Variants in RALYL observed in about 807,000 individuals in gnomAD.
The protein encoded by RALYL is RNA-binding Raly-like protein.
RALYL carries 29 observed loss-of-function variants against 35.1 expected under a neutral mutation model. The ratio of observed to expected loss-of-function variants is 0.83; its 90% CI spans 0.61 to 1.13. The LOEUF is 1.13. Among genes scored for constraint, RALYL ranks in the 50% most tolerant of loss-of-function variants. The pLI, the probability that RALYL is intolerant of heterozygous loss-of-function variation, is 0.00. For missense variants in RALYL, 359 were observed against 360.4 expected, an observed-to-expected ratio of 1.00 and a Z score of 0.03; for synonymous variants, 120 against 127.6, an observed-to-expected ratio of 0.94 and a Z score of 0.40.
chr8:84,864,195 G>C (rs187018640), intron 6 of RALYL, among the ~76,000 whole-genome samples: 41 of 127,386 alleles, frequency 3.2e-4, no homozygotes, highest in African/African-American at 1.0e-3. Context: ...TTCTTTGTGT[G>C]TGTGTTTGTG....
At chr8:84,391,632 G>A (rs1860720511) in intron 1 of RALYL, among the ~76,000 whole-genome samples, 1 of 151,988 alleles carries the variant, frequency 6.6e-6, no homozygotes, top group Admixed American at 6.6e-5. Flanking sequence ...TTTAGATACA[G>A]CATAAAATTG....
intron 1 of RALYL, among the ~76,000 whole-genome samples, chr8:84,228,038 A>G (rs1563568945): frequency 6.6e-6 from 1 of 152,060 alleles, no homozygotes. Flanking sequence ...GTGCTTCAAT[A>G]ACAATATAGA....
chr8:84,857,690 A>ATT, intron 5 of RALYL, among the ~76,000 whole-genome samples: 1 of 152,156 alleles, frequency 6.6e-6, no homozygotes, highest in African/African-American at 2.4e-5. Flanking sequence ...CAGGCCTGAG[A>ATT]AATGTTTGTT....
intron 2 of RALYL, among the ~76,000 whole-genome samples, chr8:84,661,086 G>C (rs1830815484): frequency 6.6e-6 from 1 of 151,806 alleles, no homozygotes; most frequent in South Asian, 2.1e-4. Context: ...CCCCCACCAT[G>C]CCCGGCTAAT....
At chr8:84,464,661 T>C (rs1380438481) in intron 1 of RALYL, among the ~76,000 whole-genome samples, 1 of 152,014 alleles carries the variant, frequency 6.6e-6, no homozygotes, top group African/African-American at 2.4e-5. Context: ...TACCCAGTAA[T>C]GGGATGGCTG....
chr8:84,772,703 T>C (rs1378840314), intron 2 of RALYL, among the ~76,000 whole-genome samples: 3 of 152,116 alleles, frequency 2.0e-5, no homozygotes, highest in Non-Finnish European at 4.4e-5. Context: ...TTAAACTCTC[T>C]TATTAATTGT....
At chr8:84,786,895 TA>T (rs1282442943) in intron 3 of RALYL, among the ~76,000 whole-genome samples, 1 of 152,154 alleles carries the variant, frequency 6.6e-6, no homozygotes, top group East Asian at 1.9e-4. Context: ...AGGAATTATA[TA>T]AACATCATGA....
At chr8:84,822,810 G>T (rs753575230) in intron 4 of RALYL, among the ~76,000 whole-genome samples, 8 of 151,984 alleles carry the variant, frequency 5.3e-5, no homozygotes, top group Non-Finnish European at 1.0e-4. Flanking sequence ...TACAAATCAG[G>T]GGTTAAAAAC....
chr8:84,867,237 G>C (rs1197465854), intron 6 of RALYL, among the ~76,000 whole-genome samples: 2 of 152,120 alleles, frequency 1.3e-5, no homozygotes, highest in African/African-American at 4.8e-5. Flanking sequence ...TGTTACAAGG[G>C]CATCACCTGT....
chr8:84,654,295 ATATATATATATATATAT>A (rs1829496722), intron 2 of RALYL, among the ~76,000 whole-genome samples: 1 of 115,772 alleles, frequency 8.6e-6, no homozygotes, highest in South Asian at 2.5e-4. Context: ...ATATATATAT[ATATATATATATATATAT>A]ATCATGTACC....
chr8:84,544,050 T>C (rs538495101), intron 2 of RALYL, among the ~76,000 whole-genome samples: 1 of 152,012 alleles, frequency 6.6e-6, no homozygotes, highest in Non-Finnish European at 1.5e-5. Context: ...GTTTAATAAT[T>C]TTTTATTTGA....
chr8:84,258,235 A>T (rs1272414064), intron 1 of RALYL, among the ~76,000 whole-genome samples: 1 of 152,154 alleles, frequency 6.6e-6, no homozygotes, highest in African/African-American at 2.4e-5. Flanking sequence ...ATGAGCACAG[A>T]TAACATGGGT....
chr8:84,668,395 G>A (rs1045064267), intron 2 of RALYL, among the ~76,000 whole-genome samples: 3 of 152,116 alleles, frequency 2.0e-5, no homozygotes, highest in Admixed American at 6.6e-5. Context: ...GTGTGTGTAC[G>A]TATGTAACAG....
intron 2 of RALYL, among the ~76,000 whole-genome samples, chr8:84,723,537 C>T (rs531027882): frequency 2.0e-5 from 3 of 152,010 alleles, no homozygotes; most frequent in Middle Eastern, 3.4e-3. Context: ...TCAGAGTTAT[C>T]GAAGCTAAAC....
At chr8:84,245,837 G>A (rs910090015) in intron 1 of RALYL, among the ~76,000 whole-genome samples, 1 of 152,064 alleles carries the variant, frequency 6.6e-6, no homozygotes, top group Non-Finnish European at 1.5e-5. Flanking sequence ...TAAAGGTTAT[G>A]AGAAGGCTGA....
intron 1 of RALYL, among the ~76,000 whole-genome samples, chr8:84,312,818 A>T (rs1171879484): frequency 6.6e-6 from 1 of 152,090 alleles, no homozygotes; most frequent in African/African-American, 2.4e-5. Flanking sequence ...CTGTCAGAGG[A>T]TCTACCATTC....
chr8:84,255,915 C>T lies in RALYL; in HGVS notation c.-24+71491C>T, dbSNP rs528137758. On this transcript the variant is annotated intron_variant, in intron 1 of 8. Transcript: ENST00000521268. ...ATTTTTTCCCTTTTATAACCAGGAG[C>T]ATAACTAAGGATACCACTTAGCAAA... 5.7e-4 allele frequency among the ~76,000 whole-genome samples: 86 copies of T among 152,178 alleles called. 1 individual carries two copies. Among genetic ancestry groups the T allele is most frequent in the African/African-American group, 1.9e-3 (79 of 41,554 alleles).
chr8:84,484,854 G>A (rs2054441322), intron 1 of RALYL, among the ~76,000 whole-genome samples: 3 of 152,096 alleles, frequency 2.0e-5, no homozygotes. Flanking sequence ...TTTATTCACT[G>A]ATCTGTGAAT....
chr8:84,485,989 T>C (rs1398248701), intron 1 of RALYL, among the ~76,000 whole-genome samples: 1 of 150,422 alleles, frequency 6.6e-6, no homozygotes, highest in Non-Finnish European at 1.5e-5. Context: ...ATGTGACTCC[T>C]GTAATTTGAA....
Sources: gnomAD v4.1 joint callset for allele counts (sites outside exome capture counted in the v4.1 genomes callset) on GRCh38, gnomAD v4.1.1 for gene constraint, MANE v1.5 for transcripts, NCBI Gene and HGNC (gene_info 2026-07-23, HGNC 2026-07-21) for gene names.